MALRD1: variants seen among roughly 807,000 people sequenced by gnomAD.
MALRD1 encodes the protein MAM and LDL-receptor class A domain-containing protein 1.
A neutral mutation model predicts 242.1 loss-of-function variants in MALRD1; 247 were observed. That is an observed-to-expected ratio of 1.02 (90% CI 0.92 to 1.13). The LOEUF (loss-of-function observed/expected upper bound fraction) is 1.13, where lower values mean the gene tolerates loss of function less well. Among genes scored for constraint, MALRD1 ranks in the 50% most tolerant of loss-of-function variants. The pLI, the probability that MALRD1 is intolerant of heterozygous loss-of-function variation, is 0.00. For missense variants in MALRD1, 2,989 were observed against 2,533.1 expected (o/e 1.18, Z -3.86); for synonymous variants, 995 against 866.6 (o/e 1.15, Z -2.60).
chr10:19,431,439 CA>C (rs1207582329), intron 28 of MALRD1, among the ~76,000 whole-genome samples: 2 of 152,050 alleles, frequency 1.3e-5, no homozygotes, highest in Non-Finnish European at 2.9e-5. Context: ...GCAATTTATT[CA>C]AGCAGAAAAT....
chr10:19,107,260 A>C (rs901605780), intron 5 of MALRD1, among the ~76,000 whole-genome samples: 14 of 151,972 alleles, frequency 9.2e-5, no homozygotes, highest in Admixed American at 9.2e-4. Flanking sequence ...ATTGCAGTCT[A>C]TCTATTTCTA....
chr10:19,722,355 T>C (rs959008607), intron 38 of MALRD1: 2 of 151,898 alleles, frequency 1.3e-5, no homozygotes, highest in Non-Finnish European at 1.5e-5. Flanking sequence ...GTTCAGAGGC[T>C]GAGGTGGGAG....
chr10:19,234,512 T>C (rs1285592474), intron 18 of MALRD1, among the ~76,000 whole-genome samples: 2 of 152,126 alleles, frequency 1.3e-5, no homozygotes, highest in Non-Finnish European at 2.9e-5. Flanking sequence ...ATAAAAAGTA[T>C]CGATTTACCA....
At chr10:19,097,659 T>G (rs943527990) in intron 4 of MALRD1, among the ~76,000 whole-genome samples, 5 of 152,162 alleles carry the variant, frequency 3.3e-5, no homozygotes, top group African/African-American at 4.8e-5. Context: ...ATGAGCTTTC[T>G]GTGTTGCATT....
chr10:19,687,007 A>AG (rs1319172846), intron 36 of MALRD1, among the ~76,000 whole-genome samples: 1 of 152,128 alleles, frequency 6.6e-6, no homozygotes, highest in African/African-American at 2.4e-5. Context: ...TGAAAAAAAA[A>AG]AAATAATAAC....
chr10:19,423,284 C>T (rs1172555106), intron 28 of MALRD1, among the ~76,000 whole-genome samples: 3 of 151,876 alleles, frequency 2.0e-5, no homozygotes, highest in Non-Finnish European at 4.4e-5. Context: ...TCTAAATTTG[C>T]TCTCTGTGGA....
At chr10:19,470,587 A>G (rs1836444387) in intron 29 of MALRD1, among the ~76,000 whole-genome samples, 1 of 151,754 alleles carries the variant, frequency 6.6e-6, no homozygotes, top group East Asian at 1.9e-4. Flanking sequence ...TTTTCTCCAC[A>G]TTCTCCCCTT....
chr10:19,489,969 A>G (rs1204941095), intron 29 of MALRD1, among the ~76,000 whole-genome samples: 1 of 152,186 alleles, frequency 6.6e-6, no homozygotes, highest in Non-Finnish European at 1.5e-5. Flanking sequence ...CATACATGCT[A>G]TTCAGTTGTG....
At chr10:19,472,264 G>T (rs753920525) in intron 29 of MALRD1, among the ~76,000 whole-genome samples, 4 of 152,128 alleles carry the variant, frequency 2.6e-5, no homozygotes, top group Non-Finnish European at 5.9e-5. Flanking sequence ...CTTGATCAGG[G>T]TATATGATCC....
rs1033553751 is a variant in MALRD1 at position 19,111,395 on chromosome 10, A to G, written c.694+7320A>G. 3.3e-5 allele frequency among the ~76,000 whole-genome samples: 5 copies of G among 152,354 alleles called. No homozygotes were observed. The East Asian group carries it at 9.6e-4, about 29-fold the overall frequency. On this transcript the variant is annotated intron_variant, in intron 5 of 39. Coordinates refer to ENST00000454679, the MANE Select transcript of MALRD1 (RefSeq NM_001142308.3). Reference sequence around the variant, plus strand: ...AGAAGAAATTTACTAAAGAAGAGGCATCAATAAATGTTAAGACTCATTTAT... The same window carrying G: ...AGAAGAAATTTACTAAAGAAGAGGCGTCAATAAATGTTAAGACTCATTTAT...
intron 5 of MALRD1, among the ~76,000 whole-genome samples, chr10:19,121,332 G>A (rs917919560): frequency 6.6e-6 from 1 of 152,082 alleles, no homozygotes; most frequent in African/African-American, 2.4e-5. Flanking sequence ...GAGCCACTGT[G>A]CCCAGCCTAC....
chr10:19,347,819 A>G lies in MALRD1; in HGVS notation c.3950A>G (p.Lys1317Arg). ...CDFEFDLCSW[K>R]QEKDEDFDWN... ...TTCGAATTTGATCTTTGTTCCTGGA[A>G]GCAGGAGAAAGATGAGGACTTTGAC... is the stretch of plus-strand genomic sequence containing the variant. Residue 1317 changes from lysine to arginine, a missense_variant, in exon 25 of 40, where the codon AAG becomes AGG. Coordinates refer to ENST00000454679, the MANE Select transcript of MALRD1 (RefSeq NM_001142308.3). 1 of 1,550,492 alleles carries G rather than the reference A, an allele frequency of 6.4e-7. No homozygotes were observed. The highest frequency in any genetic ancestry group is 2.4e-5 in the East Asian group (1 of 40,902).
chr10:19,631,880 A>G (rs576581795), intron 36 of MALRD1, among the ~76,000 whole-genome samples: 33 of 152,182 alleles, frequency 2.2e-4, no homozygotes, highest in Non-Finnish European at 4.6e-4. Context: ...GATGCTGGAT[A>G]TTAGACCTTT....
chr10:19,526,672 C>T (rs776918573), intron 31 of MALRD1, among the ~76,000 whole-genome samples: 1 of 152,008 alleles, frequency 6.6e-6, no homozygotes, highest in Non-Finnish European at 1.5e-5. Flanking sequence ...GCCCAGAGTC[C>T]CTTAATTAAT....
chr10:19,655,486 ATGTGTACATATATATGTGTG>A (rs1451511859), intron 36 of MALRD1, among the ~76,000 whole-genome samples: 36 of 145,170 alleles, frequency 2.5e-4, no homozygotes, highest in African/African-American at 7.5e-4. Context: ...ATACATGTGT[ATGTGTACATATATATGTGTG>A]TGTGTACATA....
At chr10:19,487,549 A>T in intron 29 of MALRD1, among the ~76,000 whole-genome samples, 1 of 151,058 alleles carries the variant, frequency 6.6e-6, no homozygotes. Flanking sequence ...AAAGCCAAAG[A>T]ACCAACTATT....
At position 19,531,279 on chromosome 10, in the gene MALRD1, A is replaced by G. The variant is rs773555711; in HGVS notation, c.5406A>G (p.Pro1802=). ...VARITTSKSF[P]ASLGMCTVRF... ...GAATTACTACTTCCAAATCCTTCCC[A>G]GCAAGCCTTGGAATGTGTACTGTTC... The change falls in exon 32 of 40, where the codon CCA becomes CCG. Residue 1802 remains proline (P), a synonymous_variant. Coordinates refer to ENST00000454679, the MANE Select transcript of MALRD1 (RefSeq NM_001142308.3). The G allele has an allele frequency of 6.4e-7, 1 of 1,550,468 alleles. No individual in the cohort carries two copies. Among genetic ancestry groups the G allele is most frequent in the Non-Finnish European group, 8.7e-7 (1 of 1,146,884 alleles).
intron 21 of MALRD1, among the ~76,000 whole-genome samples, chr10:19,312,011 G>A (rs553307365): frequency 6.6e-6 from 1 of 151,454 alleles, no homozygotes; most frequent in East Asian, 2.0e-4. Flanking sequence ...TCCATCACAG[G>A]CCATGATGCT....
In MALRD1 at chr10:19,317,508, C is replaced by G. The variant is rs948159862; in HGVS notation, c.3420-6441C>G. On this transcript the variant is annotated intron_variant, in intron 21 of 39. Transcript: ENST00000454679. ...CAGCTCAAAGTATTGTTCACAACAG[C>G]TTTTTTGGTGGATTATGTCTTGTCA... 3.9e-5 allele frequency among the ~76,000 whole-genome samples: 6 copies of G among 152,034 alleles called. No homozygotes were observed. In the East Asian group the frequency reaches 1.2e-3, roughly 29 times the overall value.
Sources: gnomAD v4.1 joint callset for allele counts (sites outside exome capture counted in the v4.1 genomes callset) on GRCh38, gnomAD v4.1.1 for gene constraint, MANE v1.5 for transcripts, NCBI Gene and HGNC (gene_info 2026-07-23, HGNC 2026-07-21) for gene names.